BNC2: variants seen among roughly 807,000 people sequenced by gnomAD.
BNC2 encodes the protein basonuclin zinc finger protein 2, also known as zinc finger protein basonuclin-2.
Under a neutral mutation model 76.3 loss-of-function variants are expected in BNC2, and 20 were observed. That is an observed-to-expected ratio of 0.26 (90% CI 0.18 to 0.38). The LOEUF (loss-of-function observed/expected upper bound fraction) is 0.38. Ranked by LOEUF, BNC2 falls within the 10% of genes least tolerant of loss-of-function variation. The pLI, the probability that BNC2 is intolerant of heterozygous loss-of-function variation, is 1.00. For synonymous variants in BNC2, 582 were observed against 514.8 expected, an observed-to-expected ratio of 1.13 and a Z score of -1.77; for missense variants, 1,382 against 1,399.8, an observed-to-expected ratio of 0.99 and a Z score of 0.20.
intron 1 of BNC2, among the ~76,000 whole-genome samples, chr9:16,756,330 C>T (rs572182897): frequency 1.3e-5 from 2 of 152,288 alleles, no homozygotes; most frequent in African/African-American, 4.8e-5. Context: ...GCCTCTCTGA[C>T]ACCCCACATG....
chr9:16,845,584 AG>A (rs1818955532), intron 1 of BNC2, among the ~76,000 whole-genome samples: 2 of 151,970 alleles, frequency 1.3e-5, no homozygotes, highest in South Asian at 4.2e-4. Context: ...AGCCGGGTGT[AG>A]CGGCGTGGGC....
chr9:16,474,495 G>C (rs554672219), intron 5 of BNC2, among the ~76,000 whole-genome samples: 1 of 152,270 alleles, frequency 6.6e-6, no homozygotes, highest in South Asian at 2.1e-4. Context: ...AGGTGACAAA[G>C]AGGAGAGCAT....
At chr9:16,470,149 C>T (rs191339226) in intron 5 of BNC2, among the ~76,000 whole-genome samples, 1 of 152,030 alleles carries the variant, frequency 6.6e-6, no homozygotes, top group East Asian at 1.9e-4. Flanking sequence ...AGGCGCCCAC[C>T]ACCACGCCCA....
intron 1 of BNC2, among the ~76,000 whole-genome samples, chr9:16,764,925 G>A (rs1222089349): frequency 6.6e-6 from 1 of 151,154 alleles, no homozygotes; most frequent in African/African-American, 2.4e-5. Flanking sequence ...GGAGGGATGG[G>A]GAAGAAGGGA....
chr9:16,796,595 AGGAAG>A (rs751987028), intron 1 of BNC2, among the ~76,000 whole-genome samples: 5 of 150,944 alleles, frequency 3.3e-5, no homozygotes, highest in Non-Finnish European at 5.9e-5. Context: ...AGAAAAGGAA[AGGAAG>A]GGAAGGGAAG....
At chr9:16,677,606 C>CACACACACACACACACACACACACAG (rs1455196025) in intron 3 of BNC2, among the ~76,000 whole-genome samples, 54 of 151,382 alleles carry the variant, frequency 3.6e-4, no homozygotes, top group African/African-American at 1.2e-3. Context: ...CACACACACA[C>CACACACACACACACACACACACACAG]AGTAGCAATA....
intron 3 of BNC2, among the ~76,000 whole-genome samples, chr9:16,687,158 G>C (rs1490641819): frequency 1.3e-5 from 2 of 151,754 alleles, no homozygotes; most frequent in Non-Finnish European, 2.9e-5. Context: ...TCAAACTTAA[G>C]ACATGAGAAA....
At chr9:16,855,460 C>T (rs1354952677) in intron 1 of BNC2, among the ~76,000 whole-genome samples, 3 of 152,194 alleles carry the variant, frequency 2.0e-5, no homozygotes, top group Non-Finnish European at 4.4e-5. Context: ...TATACTTTGG[C>T]AAATGAAGGC....
rs541764696 is a variant in BNC2, at chr9:16,827,027, C to A, written c.3+43619G>T. On this transcript the variant is annotated intron_variant, in intron 1 of 6. Coordinates refer to ENST00000380672, the MANE Select transcript of BNC2 (RefSeq NM_017637.6). ...TTTATTCCAGTTCCCAGATAACCAG[C>A]AATAAGTGCTATGATTTAAGCGATG... Among the ~76,000 whole-genome samples, 3 of 152,254 alleles carry A rather than the reference C, an allele frequency of 2.0e-5. No individual in the cohort carries two copies. In the East Asian group the frequency reaches 5.8e-4, roughly 29 times the overall value.
intron 1 of BNC2, among the ~76,000 whole-genome samples, chr9:16,846,101 C>A (rs1367369497): frequency 3.4e-5 from 5 of 148,494 alleles, no homozygotes; most frequent in Admixed American, 2.7e-4. Flanking sequence ...GATCGCGCCA[C>A]TGCACTCCAA....
intron 3 of BNC2, among the ~76,000 whole-genome samples, chr9:16,614,197 G>A (rs376634788): frequency 1.3e-5 from 2 of 152,268 alleles, no homozygotes; most frequent in Middle Eastern, 6.8e-3. Flanking sequence ...AGACGTAGGG[G>A]TACACCCTGA....
intron 2 of BNC2, among the ~76,000 whole-genome samples, chr9:16,733,408 TGAATA>T (rs1473626350): frequency 6.6e-6 from 1 of 152,176 alleles, no homozygotes; most frequent in Non-Finnish European, 1.5e-5. Context: ...TGTAAAGAAA[TGAATA>T]GAAAAGAAGT....
chr9:16,780,280 T>C (rs1458044151), intron 1 of BNC2, among the ~76,000 whole-genome samples: 1 of 72,414 alleles, frequency 1.4e-5, no homozygotes, highest in South Asian at 3.7e-4. Context: ...CTGAAACTAA[T>C]AAAAACATCT....
intron 3 of BNC2, among the ~76,000 whole-genome samples, chr9:16,694,433 G>A (rs1823275314): frequency 6.6e-6 from 1 of 152,130 alleles, no homozygotes; most frequent in Non-Finnish European, 1.5e-5. Context: ...TAGAGTAAAT[G>A]CACAGTGGTT....
chr9:16,666,485 G>T (rs751504001), intron 3 of BNC2, among the ~76,000 whole-genome samples: 1 of 152,160 alleles, frequency 6.6e-6, no homozygotes, highest in African/African-American at 2.4e-5. Context: ...AAAAACACAC[G>T]CACAGAAAGG....
intron 1 of BNC2, among the ~76,000 whole-genome samples, chr9:16,846,688 A>G (rs1818990552): frequency 6.6e-6 from 1 of 152,322 alleles, no homozygotes; most frequent in Middle Eastern, 3.4e-3. Flanking sequence ...CTAAGACAGG[A>G]TTTCTAAGTT....
chr9:16,655,316 G>T (rs1370051775), intron 3 of BNC2, among the ~76,000 whole-genome samples: 1 of 152,058 alleles, frequency 6.6e-6, no homozygotes, highest in Non-Finnish European at 1.5e-5. Context: ...AATATGGGGG[G>T]ACAGTGCTTA....
At chr9:16,546,640 C>T (rs140511773) in intron 5 of BNC2, among the ~76,000 whole-genome samples, 1 of 152,220 alleles carries the variant, frequency 6.6e-6, no homozygotes, top group Non-Finnish European at 1.5e-5. Flanking sequence ...AGGAAATAGG[C>T]AAGAAAAGGA....
chr9:16,643,641 A>G (rs4131372), intron 3 of BNC2, among the ~76,000 whole-genome samples: 62,802 of 151,770 alleles, frequency 0.41, 13,291 homozygotes, highest in East Asian at 0.52. Flanking sequence ...CTTTTTTTGC[A>G]TGAAAAAATA....
Sources: allele counts gnomAD v4.1 joint callset (sites outside exome capture counted in the v4.1 genomes callset), GRCh38; gene constraint gnomAD v4.1.1; transcripts MANE v1.5; gene names NCBI Gene and HGNC (gene_info 2026-07-23, HGNC 2026-07-21).